XIRP2: variants seen among roughly 807,000 people sequenced by gnomAD.
The protein encoded by XIRP2 is xin actin binding repeat containing 2.
Under a neutral mutation model 277.0 loss-of-function variants are expected in XIRP2, and 236 were observed. The observed-to-expected ratio is 0.85, with a 90% CI of 0.77 to 0.95. The LOEUF (loss-of-function observed/expected upper bound fraction) is 0.95, where lower values mean the gene tolerates loss of function less well. Ranked by LOEUF, XIRP2 falls within the 40% of genes least tolerant of loss-of-function variation. The pLI, the probability that XIRP2 is intolerant of heterozygous loss-of-function variation, is 0.00. For synonymous variants in XIRP2, 1,490 were observed against 1,416.5 expected, an observed-to-expected ratio of 1.05 and a Z score of -1.17; for missense variants, 4,640 against 4,157.5, an observed-to-expected ratio of 1.12 and a Z score of -3.19.
At chr2:167,021,627 T>C (rs767092474) in intron 2 of XIRP2, among the ~76,000 whole-genome samples, 1 of 151,900 alleles carries the variant, frequency 6.6e-6, no homozygotes, top group African/African-American at 2.4e-5. Flanking sequence ...GGCAGGAGGA[T>C]GATTTGAGCC....
intron 2 of XIRP2, among the ~76,000 whole-genome samples, chr2:166,979,187 C>T (rs1293948174): frequency 6.6e-6 from 1 of 151,974 alleles, no homozygotes; most frequent in Non-Finnish European, 1.5e-5. Context: ...AAGATACATT[C>T]AAATATCAGT....
intron 3 of XIRP2, among the ~76,000 whole-genome samples, chr2:167,173,642 A>G (rs967317864): frequency 6.6e-6 from 1 of 152,186 alleles, no homozygotes; most frequent in African/African-American, 2.4e-5. Flanking sequence ...TTGAGGAAAT[A>G]TACCCAGCAG....
intron 2 of XIRP2, among the ~76,000 whole-genome samples, chr2:167,009,902 T>G (rs1460061331): frequency 1.3e-5 from 2 of 152,174 alleles, no homozygotes; most frequent in Admixed American, 1.3e-4. Flanking sequence ...ACCCACTTTT[T>G]GATGGGGTTC....
intron 3 of XIRP2, among the ~76,000 whole-genome samples, chr2:167,196,666 C>T (rs143212124): frequency 5.8e-4 from 89 of 152,214 alleles, no homozygotes; most frequent in Middle Eastern, 3.4e-3. Flanking sequence ...GTGAATGGGA[C>T]ATAGGGCTTT....
intron 5 of XIRP2, among the ~76,000 whole-genome samples, chr2:167,229,415 A>G (rs909533605): frequency 4.6e-5 from 7 of 152,146 alleles, no homozygotes; most frequent in African/African-American, 1.7e-4. Context: ...AACTTCTTAG[A>G]TTTTGCTAGT....
chr2:167,153,647 G>C (rs1174562824), intron 3 of XIRP2, among the ~76,000 whole-genome samples: 1 of 151,800 alleles, frequency 6.6e-6, no homozygotes, highest in Non-Finnish European at 1.5e-5. Context: ...CTATGAGTGA[G>C]AATGTACGGT....
intron 3 of XIRP2, among the ~76,000 whole-genome samples, chr2:167,138,982 A>G (rs763567581): frequency 6.6e-6 from 1 of 151,954 alleles, no homozygotes; most frequent in Non-Finnish European, 1.5e-5. Flanking sequence ...CAGGAGAATC[A>G]CTTGAACCTG....
intron 2 of XIRP2, among the ~76,000 whole-genome samples, chr2:167,066,719 A>G (rs1294840381): frequency 6.6e-6 from 1 of 152,122 alleles, no homozygotes; most frequent in Admixed American, 6.6e-5. Flanking sequence ...AAAGTAAGAT[A>G]TGGAAACAAC....
At chr2:167,206,153 ACTTAAAAT>A (rs1693846751) in intron 3 of XIRP2, among the ~76,000 whole-genome samples, 1 of 151,772 alleles carries the variant, frequency 6.6e-6, no homozygotes, top group Non-Finnish European at 1.5e-5. Context: ...TTTTCCATGA[ACTTAAAAT>A]GTTCACCAGG....
chr2:166,999,442 G>A (rs1177873920), intron 2 of XIRP2, among the ~76,000 whole-genome samples: 1 of 151,932 alleles, frequency 6.6e-6, no homozygotes, highest in African/African-American at 2.4e-5. Context: ...AGTAGCCCAG[G>A]TACTGCTCTT....
chr2:167,101,564 C>G (rs1026472837), intron 2 of XIRP2, among the ~76,000 whole-genome samples: 1 of 152,190 alleles, frequency 6.6e-6, no homozygotes, highest in Admixed American at 6.6e-5. Flanking sequence ...AGTGAGAACA[C>G]ACGATGTTTA....
At chr2:167,221,700 T>A (rs1573970304) in intron 5 of XIRP2, among the ~76,000 whole-genome samples, 4 of 152,164 alleles carry the variant, frequency 2.6e-5, no homozygotes, top group Non-Finnish European at 5.9e-5. Context: ...ACACAGGTAG[T>A]TTATTCTGTC....
intron 2 of XIRP2, among the ~76,000 whole-genome samples, chr2:167,018,814 A>G (rs1687905974): frequency 6.6e-6 from 1 of 152,166 alleles, no homozygotes; most frequent in African/African-American, 2.4e-5. Flanking sequence ...CTGAATACAC[A>G]TCACCTCCCA....
At chr2:166,919,728 T>A (rs1356516889) in intron 2 of XIRP2, among the ~76,000 whole-genome samples, 2 of 152,066 alleles carry the variant, frequency 1.3e-5, no homozygotes, top group African/African-American at 4.8e-5. Context: ...AATTTCAAGT[T>A]ATAAAAACAA....
chr2:167,155,647 A>T (rs1692172486), intron 3 of XIRP2, among the ~76,000 whole-genome samples: 1 of 152,066 alleles, frequency 6.6e-6, no homozygotes, highest in Non-Finnish European at 1.5e-5. Flanking sequence ...ATCATACTGA[A>T]TGCGCAAAAA....
chr2:166,914,263 T>G (rs997578842), intron 2 of XIRP2, among the ~76,000 whole-genome samples: 1 of 152,198 alleles, frequency 6.6e-6, no homozygotes, highest in Non-Finnish European at 1.5e-5. Flanking sequence ...TTTGGACACC[T>G]GGAGTTTAAC....
intron 2 of XIRP2, among the ~76,000 whole-genome samples, chr2:167,125,183 T>C (rs1246098389): frequency 6.6e-6 from 1 of 152,186 alleles, no homozygotes; most frequent in Non-Finnish European, 1.5e-5. Flanking sequence ...TCTATTCTTC[T>C]TGCTGCTGTT....
intron 3 of XIRP2, among the ~76,000 whole-genome samples, chr2:167,151,526 G>T (rs1558998203): frequency 6.6e-6 from 1 of 152,024 alleles, no homozygotes; most frequent in Admixed American, 6.6e-5. Context: ...TCTAAGGGAG[G>T]ATGTTAACAC....
chr2:167,147,568 AT>A (rs542349116), intron 3 of XIRP2, among the ~76,000 whole-genome samples: 145 of 152,318 alleles, frequency 9.5e-4, no homozygotes, highest in African/African-American at 3.3e-3. Flanking sequence ...AAAGTTGTGG[AT>A]GACAAGGCTA....
Sources: allele counts gnomAD v4.1 joint callset (sites outside exome capture counted in the v4.1 genomes callset), GRCh38; gene constraint gnomAD v4.1.1; transcripts MANE v1.5; gene names NCBI Gene and HGNC (gene_info 2026-07-23, HGNC 2026-07-21).